The following OPCML variants were observed in gnomAD, a reference collection of about 807,000 sequenced individuals.
The protein encoded by OPCML is opioid binding protein/cell adhesion molecule like.
OPCML carries 13 observed loss-of-function variants against 37.8 expected under a neutral mutation model. That is an observed-to-expected ratio of 0.34 (90% confidence interval 0.22 to 0.55). OPCML has a LOEUF of 0.55. Among genes scored for constraint, OPCML ranks in the 20% least tolerant of loss-of-function variants. The probability of loss-of-function intolerance (pLI) is 0.91; values close to 1 mark genes in which losing one functional copy is unlikely to be tolerated. For synonymous variants in OPCML, 176 were observed against 168.8 expected (o/e 1.04, Z -0.33); for missense variants, 341 against 435.6 (o/e 0.78, Z 1.93).
intron 1 of OPCML, among the ~76,000 whole-genome samples, chr11:133,172,450 A>G (rs1332315296): frequency 6.6e-6 from 1 of 152,200 alleles, no homozygotes; most frequent in African/African-American, 2.4e-5. Flanking sequence ...AGTTAAAATA[A>G]GAGAAGACAG....
At chr11:133,204,415 C>T (rs1565501828) in intron 1 of OPCML, among the ~76,000 whole-genome samples, 1 of 152,154 alleles carries the variant, frequency 6.6e-6, no homozygotes, top group Non-Finnish European at 1.5e-5. Context: ...GATCACGTGG[C>T]ATCCATCAGG....
At chr11:133,444,067 C>T (rs1310983364) in intron 1 of OPCML, among the ~76,000 whole-genome samples, 1 of 152,134 alleles carries the variant, frequency 6.6e-6, no homozygotes, top group Non-Finnish European at 1.5e-5. Flanking sequence ...GCTTTCCCCT[C>T]TATTTGCACT....
intron 4 of OPCML, among the ~76,000 whole-genome samples, chr11:132,519,084 G>C (rs1348483555): frequency 6.6e-6 from 1 of 152,182 alleles, no homozygotes; most frequent in African/African-American, 2.4e-5. Flanking sequence ...GACATGCATA[G>C]TTTCTCAATT....
intron 2 of OPCML, among the ~76,000 whole-genome samples, chr11:132,845,994 C>A (rs1941517580): frequency 6.6e-6 from 1 of 152,156 alleles, no homozygotes; most frequent in African/African-American, 2.4e-5. Flanking sequence ...TACCATGCTT[C>A]AGAACGCTGA....
chr11:133,454,281 G>A (rs1044532182), intron 1 of OPCML, among the ~76,000 whole-genome samples: 1 of 152,156 alleles, frequency 6.6e-6, no homozygotes, highest in African/African-American at 2.4e-5. Context: ...TACTAAAAAT[G>A]TAGTGTTAAC....
chr11:133,368,316 A>T (rs1484656087), intron 1 of OPCML, among the ~76,000 whole-genome samples: 1 of 151,302 alleles, frequency 6.6e-6, no homozygotes, highest in Non-Finnish European at 1.5e-5. Context: ...GAAGAGAAAG[A>T]GGTGAGGGAG....
intron 2 of OPCML, among the ~76,000 whole-genome samples, chr11:132,750,101 G>A (rs1384030490): frequency 1.3e-5 from 2 of 152,088 alleles, no homozygotes; most frequent in Non-Finnish European, 2.9e-5. Context: ...TTGGCAAGCC[G>A]AGGTGGGCAG....
At chr11:133,317,698 A>G (rs1172728779) in intron 1 of OPCML, among the ~76,000 whole-genome samples, 1 of 152,196 alleles carries the variant, frequency 6.6e-6, no homozygotes, top group Non-Finnish European at 1.5e-5. Flanking sequence ...ACCTCGCTCC[A>G]CCATGTAAAC....
intron 2 of OPCML, among the ~76,000 whole-genome samples, chr11:132,760,575 T>A (rs192181836): frequency 0.01 from 1,561 of 150,882 alleles, 13 homozygotes; most frequent in Middle Eastern, 0.031. Flanking sequence ...TTTTTTTTTT[T>A]ATCTTTGTTG....
intron 1 of OPCML, among the ~76,000 whole-genome samples, chr11:133,097,374 C>T (rs1308950607): frequency 1.2e-4 from 18 of 152,092 alleles, no homozygotes; most frequent in Admixed American, 1.3e-4. Flanking sequence ...TTATCACATG[C>T]GTGTGATGCA....
At chr11:133,268,716 T>G (rs1035575031) in intron 1 of OPCML, among the ~76,000 whole-genome samples, 3 of 152,218 alleles carry the variant, frequency 2.0e-5, no homozygotes, top group African/African-American at 7.2e-5. Context: ...ACTGAGCAAG[T>G]TAAATTCATC....
intron 1 of OPCML, among the ~76,000 whole-genome samples, chr11:133,513,448 C>T (rs1052814447): frequency 1.3e-5 from 2 of 152,210 alleles, no homozygotes; most frequent in African/African-American, 2.4e-5. Context: ...AATCCCCAAA[C>T]ATCAGTGCAT....
chr11:133,474,462 T>C (rs1264006528), intron 1 of OPCML, among the ~76,000 whole-genome samples: 2 of 152,224 alleles, frequency 1.3e-5, no homozygotes, highest in Admixed American at 6.5e-5. Flanking sequence ...TAGGTAAGCA[T>C]GTTATTCTTG....
intron 2 of OPCML, among the ~76,000 whole-genome samples, chr11:132,695,839 G>A (rs1480588489): frequency 6.6e-6 from 1 of 152,176 alleles, no homozygotes; most frequent in East Asian, 1.9e-4. Context: ...GGAGAAAGAT[G>A]AACAAGACAC....
intron 3 of OPCML, among the ~76,000 whole-genome samples, chr11:132,606,871 C>T (rs544751586): frequency 2.6e-5 from 4 of 152,112 alleles, no homozygotes; most frequent in Non-Finnish European, 5.9e-5. Context: ...CACCGCTCAC[C>T]CCAGTTCTTT....
At chr11:133,058,447 T>C (rs1031144891) in intron 1 of OPCML, among the ~76,000 whole-genome samples, 8 of 152,118 alleles carry the variant, frequency 5.3e-5, no homozygotes. Flanking sequence ...GACATGGGGA[T>C]TCCAGCAAGA....
intron 1 of OPCML, chr11:133,439,127 G>T: frequency 4.8e-6 from 1 of 206,750 alleles, no homozygotes; most frequent in Non-Finnish European, 8.5e-6. Flanking sequence ...TTTGTGGCAG[G>T]TTGGTCAGAA....
chr11:132,500,275 A>G (rs2096242768), intron 4 of OPCML, among the ~76,000 whole-genome samples: 1 of 152,210 alleles, frequency 6.6e-6, no homozygotes, highest in African/African-American at 2.4e-5. Context: ...GATTAAATAT[A>G]TTAATATAAT....
At chr11:133,148,026 G>A (rs1949922709) in intron 1 of OPCML, among the ~76,000 whole-genome samples, 1 of 152,186 alleles carries the variant, frequency 6.6e-6, no homozygotes, top group South Asian at 2.1e-4. Flanking sequence ...AGGTGAGAAT[G>A]TCACCCTGGG....
Sources: allele counts gnomAD v4.1 joint callset (sites outside exome capture counted in the v4.1 genomes callset), GRCh38; gene constraint gnomAD v4.1.1; transcripts MANE v1.5; gene names NCBI Gene and HGNC (gene_info 2026-07-23, HGNC 2026-07-21).